HEATR5B: variants seen among roughly 807,000 people sequenced by gnomAD.
HEATR5B encodes the protein HEAT repeat-containing protein 5B.
Under a neutral mutation model 224.1 loss-of-function variants are expected in HEATR5B, and 156 were observed. The ratio of observed to expected loss-of-function variants is 0.70; its 90% CI spans 0.61 to 0.80. HEATR5B has a LOEUF of 0.80. Ranked by LOEUF, HEATR5B falls within the 30% of genes least tolerant of loss-of-function variation. HEATR5B has a pLI of 0.00. For synonymous variants in HEATR5B, 1,027 were observed against 893.0 expected, an observed-to-expected ratio of 1.15 and a Z score of -2.68; for missense variants, 2,323 against 2,535.5, an observed-to-expected ratio of 0.92 and a Z score of 1.80.
chr2:37,056,217 T>C (rs1670900574), intron 16 of HEATR5B, among the ~76,000 whole-genome samples: 1 of 152,152 alleles, frequency 6.6e-6, no homozygotes, highest in Non-Finnish European at 1.5e-5. Flanking sequence ...TATCAGATGC[T>C]AGTACACAGG....
At chr2:37,003,474 G>C (rs536360534) in intron 31 of HEATR5B, 68 bp downstream of exon 31, 1 of 1,157,210 alleles carries the variant, frequency 8.6e-7, no homozygotes. Flanking sequence ...ATGTCCTGGC[G>C]TTAATATTTT....
At position 37,042,490 on chromosome 2, in the gene HEATR5B, T is replaced by C. The variant is rs114356257; in HGVS notation, c.2697-1198A>G. On this transcript the variant is annotated intron_variant, in intron 18 of 35. Transcript: ENST00000233099. Reference sequence around the variant, plus strand: ...TTAAGAACAAATATCAAATTTATGGTGAAGCTTGGGTGGAAGAATGGTGAA... The same window carrying C: ...TTAAGAACAAATATCAAATTTATGGCGAAGCTTGGGTGGAAGAATGGTGAA... Among the ~76,000 whole-genome samples, 1,060 of 152,340 alleles carry C rather than the reference T, an allele frequency of 7.0e-3. 11 individuals are homozygous for C. Among genetic ancestry groups the C allele is most frequent in the African/African-American group, 0.024 (1,017 of 41,572 alleles).
At position 36,994,889 on chromosome 2, in the gene HEATR5B, T is replaced by C. The variant is rs559494353; in HGVS notation, c.5546-4090A>G. Among the ~76,000 whole-genome samples, 4 of 151,920 alleles carry C rather than the reference T, an allele frequency of 2.6e-5. No homozygotes were observed. In the East Asian group the frequency reaches 7.7e-4, roughly 29 times the overall value. On this transcript the variant is annotated intron_variant, in intron 33 of 35. Coordinates refer to ENST00000233099, the MANE Select transcript of HEATR5B (RefSeq NM_019024.3). ...CCTCAGCCTCCTGAGTAGCTGGGAT[T>C]ACAGGTGCCTGCCACCACGCCTGGC...
intron 9 of HEATR5B, 58 bp from the exon 10 acceptor site, chr2:37,065,048 T>G: frequency 6.7e-6 from 10 of 1,499,232 alleles, no homozygotes; most frequent in Admixed American, 1.8e-5. Flanking sequence ...TTTCAGAAAC[T>G]CAAATACTAT....
chr2:37,080,201 A>C (rs1271857321), intron 2 of HEATR5B, among the ~76,000 whole-genome samples: 1 of 152,234 alleles, frequency 6.6e-6, no homozygotes, highest in Non-Finnish European at 1.5e-5. Context: ...AGAAGGGACC[A>C]CATCAGGTAA....
chr2:37,005,392 T>C (rs1667345552), intron 30 of HEATR5B, among the ~76,000 whole-genome samples: 1 of 152,196 alleles, frequency 6.6e-6, no homozygotes, highest in African/African-American at 2.4e-5. Flanking sequence ...CTTACCACAC[T>C]GTACCTATCT....
intron 14 of HEATR5B, among the ~76,000 whole-genome samples, chr2:37,057,948 T>C (rs1027745498): frequency 1.3e-5 from 2 of 152,224 alleles, no homozygotes; most frequent in Non-Finnish European, 2.9e-5. Context: ...CACACCAAAA[T>C]TCTTTGGCAT....
intron 28 of HEATR5B, among the ~76,000 whole-genome samples, 189 bp from the exon 29 acceptor site, chr2:37,007,493 G>A (rs928142100): frequency 4.0e-5 from 6 of 151,876 alleles, no homozygotes; most frequent in Admixed American, 2.6e-4. Flanking sequence ...ACAGACATGC[G>A]CCGCAATGCC....
At chr2:37,006,432 A>T (rs2541003) in intron 29 of HEATR5B, among the ~76,000 whole-genome samples, 10,585 of 152,274 alleles carry the variant, frequency 0.07, 1,247 homozygotes, top group African/African-American at 0.24. Context: ...ACCTGAGGTC[A>T]GGAGTTCGAG....
At chr2:37,016,386 C>T (rs1054485293) in intron 26 of HEATR5B, among the ~76,000 whole-genome samples, 1 of 152,126 alleles carries the variant, frequency 6.6e-6, no homozygotes, top group Non-Finnish European at 1.5e-5. Flanking sequence ...GCTGGCATTA[C>T]AGGCACGAGC....
At chr2:37,020,585 G>C in intron 25 of HEATR5B, 70 bp downstream of exon 25, 1 of 1,137,862 alleles carries the variant, frequency 8.8e-7, no homozygotes, top group Non-Finnish European at 1.2e-6. Context: ...AGTCCTCCAG[G>C]AAGTCTGCAC....
chr2:37,008,776 C>G lies in HEATR5B; in HGVS notation c.4357G>C (p.Asp1453His). 6.2e-7 allele frequency: 1 copy of G among 1,614,090 alleles called. No individual in the cohort carries two copies. The highest frequency in any genetic ancestry group is 8.5e-7 in the Non-Finnish European group (1 of 1,179,986). ...ATGGTACCACAGTCGTCATCATCAT[C>G]GTCAGTATTTTTAATTGCTCTTTTT... ...KPKRAIKNTD[D>H]DDDDCGTIDE... The change falls in exon 28 of 36, where the codon GAT (aspartate) becomes CAT (histidine). Residue 1453 changes from aspartate to histidine, a missense_variant. Coordinates refer to ENST00000233099, the MANE Select transcript of HEATR5B (RefSeq NM_019024.3).
At chr2:37,032,548 A>G (rs767709986) in intron 22 of HEATR5B, 81 bp downstream of exon 22, 89 of 1,198,698 alleles carry the variant, frequency 7.4e-5, no homozygotes, top group Non-Finnish European at 1.0e-4. Flanking sequence ...GCAACAGAAA[A>G]ATGTTATTTG....
chr2:37,075,514 AC>A lies in HEATR5B; in HGVS notation c.567del (p.Arg189SerfsTer14). 1 of 1,614,042 alleles carries A rather than the reference AC, an allele frequency of 6.2e-7. No homozygotes were observed. Among genetic ancestry groups the A allele is most frequent in the Non-Finnish European group, 8.5e-7 (1 of 1,179,944 alleles). ...GCCACTGCACATCGAACAGCCATTG[AC>A]CTATCAGTCAAGAGAGACCTGGCAT... ...YKNARSLLTD[R>X]SMAVRCAVAK... is the part of the protein sequence containing the mutation. On this transcript the variant is annotated frameshift_variant, in exon 5 of 36. Transcript: ENST00000233099. LOFTEE classifies it high-confidence loss of function.
chr2:37,057,415 T>G lies in HEATR5B; in HGVS notation c.2125A>C (p.Thr709Pro). 6.2e-7 allele frequency: 1 copy of G among 1,611,878 alleles called. No individual in the cohort carries two copies. The highest frequency in any genetic ancestry group is 8.5e-7 in the Non-Finnish European group (1 of 1,179,000). The change falls in exon 15 of 36, where the codon ACA becomes CCA. Residue 709 changes from threonine (T) to proline (P), a missense_variant. Coordinates refer to ENST00000233099, the MANE Select transcript of HEATR5B (RefSeq NM_019024.3). Reference protein sequence around the residue: ...EFTLTDNSANTTTSLLRSLCH... With the variant: ...EFTLTDNSANPTTSLLRSLCH... Reference sequence around the variant, plus strand: ...AGGGATCTGAGGAGGGAAGTAGTTGTGTTGGCTGAGTTGTCAGTCAAAGTG... The same window carrying G: ...AGGGATCTGAGGAGGGAAGTAGTTGGGTTGGCTGAGTTGTCAGTCAAAGTG...
Position 37,003,540 on chromosome 2 carries a change from A to T in HEATR5B, c.5050+2T>A. 1 of 1,593,748 alleles carries T rather than the reference A, an allele frequency of 6.3e-7. No homozygotes were observed. The highest frequency in any genetic ancestry group is 8.6e-7 in the Non-Finnish European group (1 of 1,167,818). The stretch of plus-strand genomic sequence containing the variant: ...CAAGTTAGTGTAATTTCTAGTGCTT[A>T]CTTAGAGTGTTTCTTTTCTCTTGCA... On this transcript the variant is annotated splice_donor_variant, in intron 31 of 35. Coordinates refer to ENST00000233099, the MANE Select transcript of HEATR5B (RefSeq NM_019024.3). LOFTEE classifies it high-confidence loss of function.
rs201079985 is a variant in HEATR5B, at chr2:37,049,689, G to C, written c.2660C>G (p.Thr887Ser). ...GRMAQVVGEATFIARMAQYSF... is the reference protein window; with the variant it reads ...GRMAQVVGEASFIARMAQYSF... The stretch of plus-strand genomic sequence containing the variant: ...ATATTGGGCCATTCTAGCAATAAAA[G>C]TTGCTTCTCCAACCACCTGAGCCAT... Residue 887 changes from threonine (T) to serine (S), a missense_variant, in exon 18 of 36, where the codon ACT becomes AGT. By Grantham distance (58) the Thr-to-Ser change is moderately conservative. This residue lies in a region of HEATR5B where 170 missense variants were observed against 216.7 expected (regional missense o/e 0.78). Coordinates refer to ENST00000233099, the MANE Select transcript of HEATR5B (RefSeq NM_019024.3). The C allele has an allele frequency of 2.6e-5, 42 of 1,613,720 alleles. No homozygotes were observed. Among genetic ancestry groups the C allele is most frequent in the Non-Finnish European group, 3.2e-5 (38 of 1,179,962 alleles).
At chr2:37,063,160 T>C (rs1558364526) in intron 10 of HEATR5B, among the ~76,000 whole-genome samples, 2 of 152,158 alleles carry the variant, frequency 1.3e-5, no homozygotes, top group South Asian at 2.1e-4. Flanking sequence ...TGTGGAATAA[T>C]AGTGCTAATA....
intron 18 of HEATR5B, among the ~76,000 whole-genome samples, chr2:37,047,087 T>C (rs1670250900): frequency 6.8e-6 from 1 of 146,010 alleles, no homozygotes; most frequent in African/African-American, 2.6e-5. Context: ...CTCCCTCCTG[T>C]AATCCCAACT....
Sources: gnomAD v4.1 joint callset for allele counts (sites outside exome capture counted in the v4.1 genomes callset) on GRCh38, gnomAD v4.1.1 for gene constraint, gnomAD v4.1.1 regional missense constraint, MANE v1.5 for transcripts, NCBI Gene and HGNC (gene_info 2026-07-23, HGNC 2026-07-21) for gene names.